Variants in PSD3 observed in about 807,000 individuals in gnomAD.
PSD3 encodes the protein pleckstrin and Sec7 domain containing 3.
A neutral mutation model predicts 105.5 loss-of-function variants in PSD3; 49 were observed. The ratio of observed to expected loss-of-function variants is 0.46; its 90% confidence interval spans 0.37 to 0.59. The LOEUF is 0.59. PSD3 is among the 20% of genes least tolerant of loss of function. The pLI is 0.00. For synonymous variants in PSD3, 557 were observed against 457.8 expected (o/e 1.22, Z -2.77); for missense variants, 1,561 against 1,263.8 (o/e 1.24, Z -3.57).
chr8:18,711,569 G>A (rs61228786), intron 9 of PSD3, among the ~76,000 whole-genome samples: 13,709 of 152,094 alleles, frequency 0.09, 1,128 homozygotes, highest in East Asian at 0.23. Flanking sequence ...AATTCAACAC[G>A]AAGAGCTAAC....
intron 8 of PSD3, among the ~76,000 whole-genome samples, chr8:18,786,597 C>T (rs987921322): frequency 2.0e-5 from 3 of 152,080 alleles, no homozygotes; most frequent in Admixed American, 1.3e-4. Flanking sequence ...GTTAGGTGGG[C>T]AAGATGGATA....
At chr8:18,952,332 C>T (rs1202657439) in intron 1 of PSD3, among the ~76,000 whole-genome samples, 1 of 152,100 alleles carries the variant, frequency 6.6e-6, no homozygotes, top group Non-Finnish European at 1.5e-5. Flanking sequence ...TTTAAGAATG[C>T]TTGTTTGAGC....
chr8:18,617,200 T>C (rs563842394), intron 11 of PSD3, among the ~76,000 whole-genome samples: 1 of 152,118 alleles, frequency 6.6e-6, no homozygotes, highest in African/African-American at 2.4e-5. Context: ...TGTACACACA[T>C]GCAAAACAAA....
chr8:18,814,104 T>C (rs1367206875), intron 4 of PSD3, among the ~76,000 whole-genome samples: 2 of 152,262 alleles, frequency 1.3e-5, no homozygotes, highest in African/African-American at 4.8e-5. Context: ...CAGCCTCTTA[T>C]GATTTAAGAC....
chr8:18,685,258 T>C (rs986039304), intron 9 of PSD3, among the ~76,000 whole-genome samples: 2 of 152,200 alleles, frequency 1.3e-5, no homozygotes, highest in South Asian at 2.1e-4. Context: ...TTTTAAAAAA[T>C]GGTTTAAAGT....
chr8:19,044,227 T>G (rs1828234849), intron 1 of PSD3, among the ~76,000 whole-genome samples: 1 of 152,244 alleles, frequency 6.6e-6, no homozygotes, highest in Non-Finnish European at 1.5e-5. Context: ...ATTAATCTTA[T>G]TTAGGCCCTC....
At chr8:18,900,128 G>C (rs1055814895) in intron 2 of PSD3, among the ~76,000 whole-genome samples, 1 of 152,020 alleles carries the variant, frequency 6.6e-6, no homozygotes, top group African/African-American at 2.4e-5. Context: ...CTGTTATCTT[G>C]ACATTTTTTA....
chr8:18,790,070 G>A (rs1267898756), intron 8 of PSD3, among the ~76,000 whole-genome samples: 2 of 152,064 alleles, frequency 1.3e-5, no homozygotes, highest in Non-Finnish European at 2.9e-5. Flanking sequence ...GGAGGCTAGA[G>A]GGTGGGGAAA....
intron 9 of PSD3, among the ~76,000 whole-genome samples, chr8:18,723,164 G>T (rs1174741862): frequency 6.6e-6 from 1 of 152,096 alleles, no homozygotes; most frequent in African/African-American, 2.4e-5. Flanking sequence ...TATTTCCTCC[G>T]TGGGCAGTGC....
At chr8:18,762,925 T>C in intron 9 of PSD3, 1 of 1,280,692 alleles carries the variant, frequency 7.8e-7, no homozygotes, top group Non-Finnish European at 1.0e-6. Context: ...GAATAACTGT[T>C]TATTTTATGG....
At chr8:18,589,521 G>A (rs991109474) in intron 12 of PSD3, among the ~76,000 whole-genome samples, 1 of 152,186 alleles carries the variant, frequency 6.6e-6, no homozygotes, top group African/African-American at 2.4e-5. Context: ...AAGGGTTTGT[G>A]TTAGATATGG....
chr8:18,807,153 C>A lies in PSD3; in HGVS notation c.1635-2255G>T, dbSNP rs541093837. ...AAAATAAATGCATTTCTAAGCAGAA[C>A]TGCTCCATCTTGTCACTTATTCTAC... On this transcript the variant is annotated intron_variant, in intron 4 of 15. Transcript: ENST00000327040. Among the ~76,000 whole-genome samples the A allele has an allele frequency of 2.3e-4, 35 of 152,198 alleles. 1 individual carries two copies. The highest frequency in any genetic ancestry group is 7.3e-5 in the Non-Finnish European group (5 of 68,040).
At chr8:18,695,133 A>G (rs1801189738) in intron 9 of PSD3, among the ~76,000 whole-genome samples, 1 of 152,212 alleles carries the variant, frequency 6.6e-6, no homozygotes, top group Non-Finnish European at 1.5e-5. Flanking sequence ...GATCCCTAGC[A>G]GAGGGAGAAA....
At chr8:18,776,308 A>G (rs1190169375) in intron 8 of PSD3, among the ~76,000 whole-genome samples, 1 of 147,150 alleles carries the variant, frequency 6.8e-6, no homozygotes, top group African/African-American at 2.5e-5. Flanking sequence ...AAATATATAT[A>G]GTATAAAATA....
In PSD3 at chr8:18,558,108, T is replaced by C. The variant is rs369713902; in HGVS notation, c.2785-1756A>G. 8.5e-5 allele frequency among the ~76,000 whole-genome samples: 13 copies of C among 152,324 alleles called. No individual in the cohort carries two copies. The South Asian group carries it at 2.7e-3, about 32-fold the overall frequency. ...ACTCTGCTGGCACCTTGATCTTGGA[T>C]TTCCCATCTCCAGAACTGTGAGAAA... is the stretch of plus-strand genomic sequence containing the variant. On this transcript the variant is annotated intron_variant, in intron 14 of 15. Transcript: ENST00000327040.
chr8:18,586,831 G>C (rs903832413), intron 12 of PSD3, among the ~76,000 whole-genome samples: 2 of 152,132 alleles, frequency 1.3e-5, no homozygotes, highest in African/African-American at 4.8e-5. Context: ...GGAAGCCCTT[G>C]GACAGGATTC....
At chr8:18,703,804 AGAAATGGATACAGCT>A (rs1265445090) in intron 9 of PSD3, among the ~76,000 whole-genome samples, 1 of 152,232 alleles carries the variant, frequency 6.6e-6, no homozygotes, top group African/African-American at 2.4e-5. Context: ...AGCCATGAAT[AGAAATGGATACAGCT>A]GAATCTCAAT....
intron 2 of PSD3, among the ~76,000 whole-genome samples, chr8:18,912,520 A>C (rs1820299337): frequency 6.6e-6 from 1 of 152,254 alleles, no homozygotes; most frequent in Non-Finnish European, 1.5e-5. Flanking sequence ...AAAAATCTTT[A>C]ATTTAGATAT....
At chr8:18,928,956 T>C (rs1053069827) in intron 2 of PSD3, among the ~76,000 whole-genome samples, 2 of 152,066 alleles carry the variant, frequency 1.3e-5, no homozygotes, top group Non-Finnish European at 2.9e-5. Context: ...CAGCTGGAAC[T>C]ACAGGAAGGA....
Sources: allele counts gnomAD v4.1 joint callset (sites outside exome capture counted in the v4.1 genomes callset), GRCh38; gene constraint gnomAD v4.1.1; transcripts MANE v1.5; gene names NCBI Gene and HGNC (gene_info 2026-07-23, HGNC 2026-07-21).